Variants in SDK2 observed in about 807,000 individuals in gnomAD.
SDK2 encodes protein sidekick-2.
Under a neutral mutation model 253.9 loss-of-function variants are expected in SDK2, and 105 were observed. The observed-to-expected ratio is 0.41, with a 90% CI of 0.35 to 0.49. The LOEUF is 0.49. Among genes scored for constraint, SDK2 ranks in the 20% least tolerant of loss-of-function variants. The pLI, the probability that SDK2 is intolerant of heterozygous loss-of-function variation, is 0.06. For synonymous variants in SDK2, 1,249 were observed against 1,234.9 expected (o/e 1.01, Z -0.24); for missense variants, 2,608 against 3,003.0 (o/e 0.87, Z 3.07).
At chr17:73,527,136 C>T (rs368231784) in intron 1 of SDK2, among the ~76,000 whole-genome samples, 2 of 152,070 alleles carry the variant, frequency 1.3e-5, no homozygotes, top group African/African-American at 4.8e-5. Flanking sequence ...TGAGGATTGG[C>T]GGGGCAGTCA....
intron 1 of SDK2, among the ~76,000 whole-genome samples, chr17:73,557,977 C>A (rs2045170642): frequency 6.6e-6 from 1 of 152,206 alleles, no homozygotes; most frequent in Non-Finnish European, 1.5e-5. Flanking sequence ...CTCCCCAGGG[C>A]TCCCTGGACA....
At chr17:73,425,026 T>C (rs1249205863) in intron 12 of SDK2, among the ~76,000 whole-genome samples, 1 of 152,134 alleles carries the variant, frequency 6.6e-6, no homozygotes, top group East Asian at 1.9e-4. Flanking sequence ...TTGAGACCAG[T>C]CTGGCCAACA....
intron 4 of SDK2, among the ~76,000 whole-genome samples, chr17:73,449,602 C>CTTTTTTTTT: frequency 1.1e-5 from 1 of 94,342 alleles, no homozygotes; most frequent in Non-Finnish European, 2.1e-5. Context: ...CCCCCCACCT[C>CTTTTTTTTT]TTTTTTTTTT....
intron 1 of SDK2, among the ~76,000 whole-genome samples, chr17:73,513,345 A>T (rs1369449186): frequency 3.3e-5 from 5 of 152,202 alleles, no homozygotes; most frequent in Non-Finnish European, 7.3e-5. Flanking sequence ...TGCCCCTGGA[A>T]CTCACACAAA....
In SDK2 at chr17:73,350,222, C is replaced by CTGGGCCTGGCCCCCCACCCACAG. The variant is rs772383473; in HGVS notation, c.6038+14_6038+15insCTGTGGGTGGGGGGCCAGGCCCA. The CTGGGCCTGGCCCCCCACCCACAG allele has an allele frequency of 6.3e-7, 1 of 1,577,232 alleles. No individual in the cohort carries two copies. Among genetic ancestry groups the CTGGGCCTGGCCCCCCACCCACAG allele is most frequent in the Non-Finnish European group, 8.6e-7 (1 of 1,161,038 alleles). Reference sequence around the variant, plus strand: ...TGCTGGGCCTGGCCCCCAACCCACGCAGAGGGCCCAGTACCTGGTGTACAG... The same window carrying CTGGGCCTGGCCCCCCACCCACAG: ...TGCTGGGCCTGGCCCCCAACCCACGCTGGGCCTGGCCCCCCACCCACAGAGAGGGCCCAGTACCTGGTGTACAG... On this transcript the variant is annotated intron_variant, in intron 43 of 44. Transcript: ENST00000392650.
chr17:73,489,531 TGA>T (rs2063791591), intron 2 of SDK2, among the ~76,000 whole-genome samples: 1 of 152,244 alleles, frequency 6.6e-6, no homozygotes, highest in African/African-American at 2.4e-5. Context: ...CCTGTCCCGC[TGA>T]GTCCTGCTCT....
rs529271085 is a variant in SDK2, at chr17:73,643,266, C to G, written c.64+759G>C. ...TCCACCGCGAGGCTGCTCCCGGCAGCCACAGGTCACAGCAGCGAGCGGCTG... is the reference window on the plus strand; with the variant it reads ...TCCACCGCGAGGCTGCTCCCGGCAGGCACAGGTCACAGCAGCGAGCGGCTG... On this transcript the variant is annotated intron_variant, in intron 1 of 44. Transcript: ENST00000392650. This position sits in a 1 kb window ranked among gnomAD's most constrained non-coding sequence, Gnocchi z 6.9. Among the ~76,000 whole-genome samples the G allele has an allele frequency of 6.6e-6, 1 of 152,328 alleles. No homozygotes were observed. Among genetic ancestry groups the G allele is most frequent in the South Asian group, 2.1e-4 (1 of 4,822 alleles).
At position 73,338,709 on chromosome 17, in the gene SDK2, G is replaced by A. The variant is rs545589945; in HGVS notation, c.6397C>T (p.Arg2133Trp). 3.0e-5 allele frequency: 48 copies of A among 1,610,648 alleles called. No individual in the cohort carries two copies. The highest frequency in any genetic ancestry group is 3.8e-5 in the Non-Finnish European group (45 of 1,178,054). The stretch of plus-strand genomic sequence containing the variant: ...GGGGGGTTCTGGGGCGTTGGAGTCC[G>A]ACTGGCCTTGGGCCGAAAGAGGCTG... ...QGSLFRPKASRTPTPQNPPNP... is the reference protein window; with the variant it reads ...QGSLFRPKASWTPTPQNPPNP... The change falls in exon 45 of 45, where the codon CGG (arginine) becomes TGG (tryptophan). Residue 2133 changes from arginine to tryptophan, a missense_variant. Around this residue, in one of 2 missense-constraint regions of SDK2, gnomAD observed 1,103 missense variants for 1,143.9 expected, o/e 0.96. Coordinates refer to ENST00000392650, the MANE Select transcript of SDK2 (RefSeq NM_001144952.2). This position sits in a 1 kb window ranked among gnomAD's most constrained non-coding sequence, Gnocchi z 5.0.
At chr17:73,366,290 G>A (rs1309559225) in intron 37 of SDK2, among the ~76,000 whole-genome samples, 1 of 152,030 alleles carries the variant, frequency 6.6e-6, no homozygotes, top group African/African-American at 2.4e-5. Flanking sequence ...GAAGCCTCGG[G>A]TTCCCTGGGG....
chr17:73,401,808 C>A, intron 19 of SDK2, 56 bp from the exon 20 acceptor site: 1 of 1,491,784 alleles, frequency 6.7e-7, no homozygotes, highest in Non-Finnish European at 9.1e-7. Flanking sequence ...AGAGAGAGAC[C>A]ACCATCTGTG....
chr17:73,435,370 G>C lies in SDK2; in HGVS notation c.1195+80C>G. 2 of 1,363,996 alleles carry C rather than the reference G, an allele frequency of 1.5e-6. No homozygotes were observed. The highest frequency in any genetic ancestry group is 2.0e-6 in the Non-Finnish European group (2 of 1,003,776). 84.5% of individuals were successfully genotyped at this position (1,363,996 alleles called of 1,614,324 possible). ...TTAATGGAACGTGCTATGCACAAGA[G>C]GCCCCTCGGAAGACCTTGGAAGAAA... On this transcript the variant is annotated intron_variant, in intron 9 of 44. Coordinates refer to ENST00000392650, the MANE Select transcript of SDK2 (RefSeq NM_001144952.2). This position sits in a 1 kb window ranked among gnomAD's most constrained non-coding sequence, Gnocchi z 5.7.
chr17:73,357,947 C>T, intron 40 of SDK2, 132 bp downstream of exon 40: 1 of 1,377,088 alleles, frequency 7.3e-7, no homozygotes, highest in Non-Finnish European at 1.0e-6. Context: ...TCAACAGGGC[C>T]AGGTGACTTC....
At position 73,447,507 on chromosome 17, in the gene SDK2, C is replaced by T. The variant is rs2063461103; in HGVS notation, c.613+108G>A. On this transcript the variant is annotated intron_variant, in intron 5 of 44. Transcript: ENST00000392650. This position sits in a 1 kb window ranked among gnomAD's most constrained non-coding sequence, Gnocchi z 4.0. ...GCTCCCCCCGGCCGTCCCCTAGCTT[C>T]CCTGTCCCCCTCCTCTGCCACTCCA... 11 of 1,470,662 alleles carry T rather than the reference C, an allele frequency of 7.5e-6. No homozygotes were observed. The highest frequency in any genetic ancestry group is 2.8e-5 in the African/African-American group (2 of 71,664). The allele number at this position is 1,470,662 out of a possible 1,614,324, so 91.1% of individuals were successfully genotyped here. A position where few individuals can be genotyped will look rare whatever the true frequency, so the allele number is the denominator to read the frequency against.
At chr17:73,356,959 G>C (rs1290970127) in intron 40 of SDK2, among the ~76,000 whole-genome samples, 1 of 152,244 alleles carries the variant, frequency 6.6e-6, no homozygotes, top group African/African-American at 2.4e-5. Flanking sequence ...GCCAACTTGG[G>C]TGGAATAAAC....
rs2063722279 is a variant in SDK2 at position 73,481,326 on chromosome 17, T to C, written c.225-9108A>G. On this transcript the variant is annotated intron_variant, in intron 2 of 44. Transcript: ENST00000392650. This position sits in a 1 kb window ranked among gnomAD's most constrained non-coding sequence, Gnocchi z 4.5. ...AGGGAACCTGAGGGTGGAGAGGGGG[T>C]ACCCGCAGTGGACAGAACAGGGAGG... 6.6e-6 allele frequency among the ~76,000 whole-genome samples: 1 copy of C among 151,906 alleles called. No individual in the cohort carries two copies. The highest frequency in any genetic ancestry group is 1.5e-5 in the Non-Finnish European group (1 of 67,958).
chr17:73,352,390 C>A lies in SDK2; in HGVS notation c.5758+83G>T. On this transcript the variant is annotated intron_variant, in intron 41 of 44. Transcript: ENST00000392650. This position sits in a 1 kb window ranked among gnomAD's most constrained non-coding sequence, Gnocchi z 4.1. Reference sequence around the variant, plus strand: ...CCCCATGCTCCTGGTGCCCTGGTGCCTCTCCTCCTTCCGCCCTGCCCAGTG... The same window carrying A: ...CCCCATGCTCCTGGTGCCCTGGTGCATCTCCTCCTTCCGCCCTGCCCAGTG... The A allele has an allele frequency of 6.8e-7, 1 of 1,461,278 alleles. No homozygotes were observed. The allele number at this position is 1,461,278 out of a possible 1,614,324, so 90.5% of individuals were successfully genotyped here.
intron 44 of SDK2, among the ~76,000 whole-genome samples, chr17:73,341,559 T>C (rs2062437364): frequency 6.6e-6 from 1 of 152,160 alleles, no homozygotes; most frequent in Non-Finnish European, 1.5e-5. Flanking sequence ...CTGGGGGCAG[T>C]TAGCGAATCA....
chr17:73,384,342 C>A lies in SDK2; in HGVS notation c.4570-331G>T, dbSNP rs557729243. Among the ~76,000 whole-genome samples, 15 of 152,288 alleles carry A rather than the reference C, an allele frequency of 9.8e-5. No homozygotes were observed. In the East Asian group the frequency reaches 2.7e-3, roughly 27 times the overall value. ...GCACACAGCTGTTTTCCTAGAGCCG[C>A]TCCTTGTTCACCTCCTTTGTCTTCA... On this transcript the variant is annotated intron_variant, in intron 32 of 44. Transcript: ENST00000392650.
At chr17:73,384,539 C>A (rs541308763) in intron 32 of SDK2, among the ~76,000 whole-genome samples, 2 of 152,196 alleles carry the variant, frequency 1.3e-5, no homozygotes, top group South Asian at 4.1e-4. Flanking sequence ...CTTCCTCTCC[C>A]GTCTACAGCT....
Sources: allele counts gnomAD v4.1 joint callset (sites outside exome capture counted in the v4.1 genomes callset), GRCh38; gene constraint gnomAD v4.1.1; regional missense constraint gnomAD v4.1.1; non-coding constraint Gnocchi (gnomAD v3.1); transcripts MANE v1.5; gene names NCBI Gene and HGNC (gene_info 2026-07-23, HGNC 2026-07-21).